The following MYO3A variants were observed in gnomAD, a reference collection of about 807,000 sequenced individuals.
MYO3A encodes myosin-IIIa.
Under a neutral mutation model 192.7 loss-of-function variants are expected in MYO3A, and 180 were observed. That is an observed-to-expected ratio of 0.93 (90% CI 0.83 to 1.06). The LOEUF is 1.06. Ranked by LOEUF, MYO3A falls within the 50% of genes least tolerant of loss-of-function variation. The probability of loss-of-function intolerance (pLI) is 0.00; values close to 1 mark genes in which losing one functional copy is unlikely to be tolerated. For missense variants in MYO3A, 1,896 were observed against 1,905.0 expected (o/e 1.00, Z 0.09); for synonymous variants, 628 against 645.3 (o/e 0.97, Z 0.41).
At chr10:26,103,893 G>A (rs960897604) in intron 17 of MYO3A, among the ~76,000 whole-genome samples, 3 of 152,166 alleles carry the variant, frequency 2.0e-5, no homozygotes, top group African/African-American at 7.2e-5. Flanking sequence ...TCTAGTGAAT[G>A]TGAAGTGGTA....
rs548264438 is a variant in MYO3A at position 26,049,883 on chromosome 10, C to A, written c.954-17092C>A. On this transcript the variant is annotated intron_variant, in intron 10 of 34. Transcript: ENST00000642920. ...TAGAAATGGGGTTTCACCATGTTAG[C>A]TAGGATGGTCTCGATCTCATGACCT... is the stretch of plus-strand genomic sequence containing the variant. Among the ~76,000 whole-genome samples, 9 of 151,920 alleles carry A rather than the reference C, an allele frequency of 5.9e-5. No homozygotes were observed. In the East Asian group the frequency reaches 1.7e-3, roughly 29 times the overall value.
chr10:26,162,043 T>C (rs1197641852), intron 26 of MYO3A, among the ~76,000 whole-genome samples: 6 of 152,262 alleles, frequency 3.9e-5, no homozygotes, highest in African/African-American at 1.4e-4. Flanking sequence ...AGACCTGTTA[T>C]GGAAACAGGG....
chr10:26,125,647 A>G (rs1839178257), intron 19 of MYO3A, 39 bp downstream of exon 19: 2 of 1,509,838 alleles, frequency 1.3e-6, no homozygotes, highest in Non-Finnish European at 1.8e-6. Flanking sequence ...CCCAAATGTC[A>G]GGTGATGTAA....
chr10:26,148,652 T>C (rs1840613170), intron 23 of MYO3A, among the ~76,000 whole-genome samples: 1 of 152,170 alleles, frequency 6.6e-6, no homozygotes, highest in South Asian at 2.1e-4. Context: ...TTTATTTAAG[T>C]CTCCCTTAAT....
intron 34 of MYO3A, among the ~76,000 whole-genome samples, chr10:26,208,992 T>C (rs938716766): frequency 6.6e-6 from 1 of 152,214 alleles, no homozygotes; most frequent in Non-Finnish European, 1.5e-5. Context: ...TTTGCAATAT[T>C]ACATTTCCCT....
chr10:26,141,937 G>A (rs532351654), intron 20 of MYO3A, among the ~76,000 whole-genome samples: 1 of 152,170 alleles, frequency 6.6e-6, no homozygotes, highest in South Asian at 2.1e-4. Flanking sequence ...AAAAGCTCTG[G>A]CTTATCAAAA....
chr10:26,048,702 C>A (rs1843781682), intron 10 of MYO3A, among the ~76,000 whole-genome samples: 1 of 152,058 alleles, frequency 6.6e-6, no homozygotes, highest in Non-Finnish European at 1.5e-5. Context: ...GTCGTGCATT[C>A]TATTGTGGTC....
chr10:25,976,288 A>G (rs150219324), intron 4 of MYO3A, among the ~76,000 whole-genome samples: 1 of 152,304 alleles, frequency 6.6e-6, no homozygotes, highest in East Asian at 1.9e-4. Flanking sequence ...AAGCATGAAT[A>G]TTGATAGCAC....
At position 26,108,931 on chromosome 10, in the gene MYO3A, G is replaced by T. The variant is rs114154353; in HGVS notation, c.1777-11745G>T. 8.1e-3 allele frequency among the ~76,000 whole-genome samples: 1,239 copies of T among 152,234 alleles called. 15 individuals are homozygous for T. Among genetic ancestry groups the T allele is most frequent in the African/African-American group, 0.027 (1,121 of 41,530 alleles). The stretch of plus-strand genomic sequence containing the variant: ...GCCCTGCCTTACAAGGGAGGTTTAG[G>T]TAAATCCAGTGCCATCTTTGTCCAT... On this transcript the variant is annotated intron_variant, in intron 17 of 34. Transcript: ENST00000642920.
At chr10:26,027,541 T>C (rs1280186652) in intron 10 of MYO3A, among the ~76,000 whole-genome samples, 1 of 152,096 alleles carries the variant, frequency 6.6e-6, no homozygotes, top group East Asian at 1.9e-4. Flanking sequence ...GACGAGGTTC[T>C]GCCATGTTGC....
At chr10:26,149,529 C>T (rs534035852) in intron 23 of MYO3A, among the ~76,000 whole-genome samples, 14 of 152,284 alleles carry the variant, frequency 9.2e-5, no homozygotes, top group African/African-American at 3.4e-4. Context: ...GCCACCACGC[C>T]TGGCCAATTT....
intron 9 of MYO3A, among the ~76,000 whole-genome samples, chr10:26,024,654 A>G (rs1842460529): frequency 6.6e-6 from 1 of 152,178 alleles, no homozygotes; most frequent in Non-Finnish European, 1.5e-5. Context: ...GTTATAAGGC[A>G]GGCCTGGTTG....
intron 10 of MYO3A, among the ~76,000 whole-genome samples, chr10:26,047,617 C>CAA (rs374804260): frequency 1.3e-5 from 2 of 151,398 alleles, no homozygotes; most frequent in Non-Finnish European, 1.5e-5. Flanking sequence ...ACTAAAAATA[C>CAA]AAAAAAAATT....
At chr10:26,153,950 T>C in intron 24 of MYO3A, 21 bp downstream of exon 24, 1 of 1,514,934 alleles carries the variant, frequency 6.6e-7, no homozygotes, top group Non-Finnish European at 9.2e-7. Flanking sequence ...GCTTTTTTTC[T>C]TGGCAGTGAG....
chr10:26,200,473 G>A (rs1400355576), intron 32 of MYO3A, among the ~76,000 whole-genome samples: 2 of 152,100 alleles, frequency 1.3e-5, no homozygotes, highest in Admixed American at 1.3e-4. Flanking sequence ...AGACAAATAC[G>A]CTGTGGCAAC....
intron 22 of MYO3A, among the ~76,000 whole-genome samples, chr10:26,147,043 T>A (rs1840505076): frequency 1.3e-5 from 2 of 152,164 alleles, no homozygotes. Flanking sequence ...TAAAAATCTA[T>A]CATGGCCAAT....
In MYO3A at chr10:25,940,449, T is replaced by A. The variant is rs17665895; in HGVS notation, c.-18+4619T>A. 3.3e-3 allele frequency among the ~76,000 whole-genome samples: 495 copies of A among 152,258 alleles called. 1 individual carries two copies. The highest frequency in any genetic ancestry group is 5.2e-3 in the Non-Finnish European group (353 of 67,968). On this transcript the variant is annotated intron_variant, in intron 2 of 34. Coordinates refer to ENST00000642920, the MANE Select transcript of MYO3A (RefSeq NM_017433.5). ...TATGAGGAACGTAGAACATTTTAAA[T>A]CCTATCACATTTCCACTTTTGATTA...
intron 4 of MYO3A, among the ~76,000 whole-genome samples, chr10:25,989,275 T>TTTTA (rs59046216): frequency 3.3e-5 from 5 of 150,692 alleles, no homozygotes; most frequent in African/African-American, 1.2e-4. Flanking sequence ...TTTTTTTTTT[T>TTTTA]AAAGCAGCTT....
At position 26,203,182 on chromosome 10, in the gene MYO3A, T is replaced by C. The variant is rs1336073506; in HGVS notation, c.4730+75T>C. Reference sequence around the variant, plus strand: ...TTTCATTTCTTAAGATATTTCACTTTATATATAGATGAATGACAAAGCACT... The same window carrying C: ...TTTCATTTCTTAAGATATTTCACTTCATATATAGATGAATGACAAAGCACT... On this transcript the variant is annotated intron_variant, in intron 34 of 34. Transcript: ENST00000642920. 2.7e-6 allele frequency: 4 copies of C among 1,465,794 alleles called. No individual in the cohort carries two copies. The East Asian group carries it at 7.0e-5, about 26-fold the overall frequency. 90.8% of individuals were successfully genotyped at this position (1,465,794 alleles called of 1,614,324 possible). A position where few individuals can be genotyped will look rare whatever the true frequency, so the allele number is the denominator to read the frequency against.
Sources: gnomAD v4.1 joint callset for allele counts (sites outside exome capture counted in the v4.1 genomes callset) on GRCh38, gnomAD v4.1.1 for gene constraint, MANE v1.5 for transcripts, NCBI Gene and HGNC (gene_info 2026-07-23, HGNC 2026-07-21) for gene names.